Variants in TMCC1 observed in about 807,000 individuals in gnomAD.
The protein encoded by TMCC1 is transmembrane and coiled-coil domains protein 1.
TMCC1 carries 15 observed loss-of-function variants against 52.4 expected under a neutral mutation model. The observed-to-expected ratio is 0.29, with a 90% CI of 0.19 to 0.44. The LOEUF (loss-of-function observed/expected upper bound fraction) is 0.44. Ranked by LOEUF, TMCC1 falls within the 20% of genes least tolerant of loss-of-function variation. The probability of loss-of-function intolerance (pLI) is 1.00; values close to 1 mark genes in which losing one functional copy is unlikely to be tolerated. For synonymous variants in TMCC1, 279 were observed against 301.9 expected (o/e 0.92, Z 0.79); for missense variants, 503 against 806.0 (o/e 0.62, Z 4.55).
At chr3:129,799,252 C>T (rs948452329) in intron 4 of TMCC1, among the ~76,000 whole-genome samples, 9 of 152,086 alleles carry the variant, frequency 5.9e-5, no homozygotes, top group African/African-American at 1.9e-4. Flanking sequence ...ATGTTTTGGG[C>T]TCCACATTTC....
At chr3:129,652,081 A>G (rs1321101669) in intron 6 of TMCC1, among the ~76,000 whole-genome samples, 3 of 152,264 alleles carry the variant, frequency 2.0e-5, no homozygotes, top group Non-Finnish European at 4.4e-5. Context: ...GACCACAAAT[A>G]TATGCTCTTT....
At chr3:129,663,665 T>C (rs1224097411) in intron 5 of TMCC1, among the ~76,000 whole-genome samples, 7 of 152,216 alleles carry the variant, frequency 4.6e-5, no homozygotes, top group Non-Finnish European at 1.0e-4. Context: ...ATTATCTTAA[T>C]GACAAGAAAA....
At chr3:129,849,899 CT>C (rs5852580) in intron 2 of TMCC1, among the ~76,000 whole-genome samples, 95,259 of 149,696 alleles carry the variant, frequency 0.64, 35,171 homozygotes, top group Non-Finnish European at 0.83. Context: ...AATTATATTT[CT>C]TTTTTTTTTT....
rs761570075 is a variant in TMCC1 at position 129,850,676 on chromosome 3, A to AG, written c.-183-17851dup. On this transcript the variant is annotated intron_variant, in intron 2 of 6. Transcript: ENST00000393238. ...ATTAAAGACACACACACACAGAAAT[A>AG]GAGAGGTGTGAAGTGGAAAATCAGG... Among the ~76,000 whole-genome samples, 7 of 152,296 alleles carry AG rather than the reference A, an allele frequency of 4.6e-5. No individual in the cohort carries two copies. The East Asian group carries it at 1.4e-3, about 29-fold the overall frequency.
Position 129,720,181 on chromosome 3 carries a change from C to CAAAAAAAAAA in TMCC1, c.577-48927_577-48918dup, listed in dbSNP as rs765678095. Among the ~76,000 whole-genome samples the CAAAAAAAAAA allele has an allele frequency of 3.2e-3, 185 of 58,698 alleles. 1 individual carries two copies. The highest frequency in any genetic ancestry group is 0.011 in the African/African-American group (181 of 16,270). The allele number at this position is 58,698 out of a possible 152,430, so 38.5% of individuals were successfully genotyped here. On this transcript the variant is annotated intron_variant, in intron 4 of 6. Transcript: ENST00000393238. ...TGGGCAACAGAGTAAGACCCTGTCT[C>CAAAAAAAAAA]AAAAAAAAAAAAAAAAAAAAAGAGA...
At chr3:129,719,428 A>T (rs1158084771) in intron 4 of TMCC1, among the ~76,000 whole-genome samples, 2 of 152,154 alleles carry the variant, frequency 1.3e-5, no homozygotes, top group Admixed American at 6.5e-5. Context: ...TGAATTCTGT[A>T]AGCCACTCTA....
At chr3:129,728,208 A>T (rs917837578) in intron 4 of TMCC1, among the ~76,000 whole-genome samples, 1 of 152,246 alleles carries the variant, frequency 6.6e-6, no homozygotes, top group African/African-American at 2.4e-5. Context: ...AATATAGGGA[A>T]CTTGATACAA....
At chr3:129,866,407 C>T (rs1446444929) in intron 2 of TMCC1, among the ~76,000 whole-genome samples, 8 of 118,374 alleles carry the variant, frequency 6.8e-5, no homozygotes, top group Admixed American at 2.7e-4. Context: ...GACAGAGTTT[C>T]GCTCTTGTTG....
At chr3:129,813,456 C>T (rs1025243706) in intron 4 of TMCC1, among the ~76,000 whole-genome samples, 1 of 152,096 alleles carries the variant, frequency 6.6e-6, no homozygotes, top group Non-Finnish European at 1.5e-5. Flanking sequence ...GGTACATGTA[C>T]ACCACAGAAT....
At chr3:129,700,281 A>G (rs1314691868) in intron 4 of TMCC1, among the ~76,000 whole-genome samples, 1 of 152,202 alleles carries the variant, frequency 6.6e-6, no homozygotes, top group Non-Finnish European at 1.5e-5. Flanking sequence ...ATTGCTAAAT[A>G]AATCTGGGTA....
chr3:129,681,603 G>A (rs949294290), intron 4 of TMCC1, among the ~76,000 whole-genome samples: 1 of 151,914 alleles, frequency 6.6e-6, no homozygotes, highest in Non-Finnish European at 1.5e-5. Context: ...AGAACACAGT[G>A]CCAATAGAAA....
chr3:129,845,274 G>C (rs1156921050), intron 2 of TMCC1, among the ~76,000 whole-genome samples: 1 of 151,922 alleles, frequency 6.6e-6, no homozygotes, highest in African/African-American at 2.4e-5. Context: ...AATTAATATA[G>C]ATGAGGATTT....
intron 2 of TMCC1, among the ~76,000 whole-genome samples, chr3:129,871,622 G>C (rs1367722456): frequency 6.6e-6 from 1 of 151,948 alleles, no homozygotes; most frequent in Non-Finnish European, 1.5e-5. Flanking sequence ...ATCAAAATAA[G>C]CAAACCAAGT....
At chr3:129,735,890 G>A (rs2050919605) in intron 4 of TMCC1, among the ~76,000 whole-genome samples, 1 of 152,142 alleles carries the variant, frequency 6.6e-6, no homozygotes, top group South Asian at 2.1e-4. Context: ...CAGTGATTTC[G>A]TTCAAAGCTG....
intron 2 of TMCC1, among the ~76,000 whole-genome samples, chr3:129,864,656 T>A (rs892056103): frequency 1.3e-5 from 2 of 152,036 alleles, no homozygotes; most frequent in African/African-American, 4.8e-5. Flanking sequence ...TGTAGGAGAA[T>A]CATCTAAGCC....
intron 2 of TMCC1, among the ~76,000 whole-genome samples, chr3:129,835,441 G>A (rs905877751): frequency 6.6e-6 from 1 of 152,020 alleles, no homozygotes; most frequent in Non-Finnish European, 1.5e-5. Context: ...TCACCAAGGA[G>A]ACAGATACTC....
At chr3:129,835,414 C>CA in intron 2 of TMCC1, among the ~76,000 whole-genome samples, 1 of 152,126 alleles carries the variant, frequency 6.6e-6, no homozygotes, top group South Asian at 2.1e-4. Context: ...GCTGAACCAG[C>CA]CCCACCTAGC....
intron 4 of TMCC1, among the ~76,000 whole-genome samples, chr3:129,711,512 AAAT>A (rs2048678894): frequency 6.6e-6 from 1 of 152,174 alleles, no homozygotes; most frequent in Non-Finnish European, 1.5e-5. Context: ...CTTACATATG[AAAT>A]AATACTTATT....
intron 4 of TMCC1, among the ~76,000 whole-genome samples, chr3:129,803,306 T>C (rs2057294800): frequency 6.6e-6 from 1 of 152,154 alleles, no homozygotes; most frequent in African/African-American, 2.4e-5. Context: ...ATGAGATATC[T>C]AGTGAAACTC....
Sources: gnomAD v4.1 joint callset for allele counts (sites outside exome capture counted in the v4.1 genomes callset) on GRCh38, gnomAD v4.1.1 for gene constraint, MANE v1.5 for transcripts, NCBI Gene and HGNC (gene_info 2026-07-23, HGNC 2026-07-21) for gene names.